LRRC4C: variants seen among roughly 807,000 people sequenced by gnomAD.
The protein encoded by LRRC4C is leucine rich repeat containing 4C.
In LRRC4C, 5 loss-of-function variants were observed where a neutral mutation model predicts 33.6. That is an observed-to-expected ratio of 0.15 (90% confidence interval 0.08 to 0.31). LRRC4C has a LOEUF of 0.31. LRRC4C is among the 10% of genes least tolerant of loss of function. The pLI is 1.00. For missense variants in LRRC4C, 560 were observed against 796.7 expected, an observed-to-expected ratio of 0.70 and a Z score of 3.58; for synonymous variants, 329 against 302.0, an observed-to-expected ratio of 1.09 and a Z score of -0.93.
chr11:40,452,678 T>TGGGTATATAC (rs1951943148), intron 3 of LRRC4C, among the ~76,000 whole-genome samples: 1 of 152,180 alleles, frequency 6.6e-6, no homozygotes. Flanking sequence ...ATCCCATTAC[T>TGGGTATATAC]GGGTATATAC....
intron 1 of LRRC4C, among the ~76,000 whole-genome samples, chr11:41,203,862 C>G (rs946739930): frequency 3.3e-5 from 5 of 152,158 alleles, no homozygotes; most frequent in African/African-American, 9.7e-5. Flanking sequence ...AATGTCTGCC[C>G]TTTAAGACAG....
intron 2 of LRRC4C, among the ~76,000 whole-genome samples, chr11:40,814,609 G>GT (rs917105595): frequency 4.6e-5 from 7 of 151,530 alleles, no homozygotes; most frequent in East Asian, 3.9e-4. Flanking sequence ...CAGAAAATGG[G>GT]TTTTTTCTTT....
chr11:40,757,234 A>T (rs992671310), intron 2 of LRRC4C, among the ~76,000 whole-genome samples: 1 of 152,082 alleles, frequency 6.6e-6, no homozygotes, highest in Admixed American at 6.6e-5. Flanking sequence ...GAAACAGTCC[A>T]AATAACAGTC....
At chr11:40,302,630 G>T (rs1348049944) in intron 4 of LRRC4C, among the ~76,000 whole-genome samples, 7 of 151,998 alleles carry the variant, frequency 4.6e-5, no homozygotes, top group Non-Finnish European at 8.8e-5. Flanking sequence ...TTGTACATAG[G>T]TGCTAACACT....
At chr11:40,397,409 C>A (rs1296156205) in intron 3 of LRRC4C, among the ~76,000 whole-genome samples, 4 of 151,998 alleles carry the variant, frequency 2.6e-5, no homozygotes, top group African/African-American at 7.2e-5. Flanking sequence ...AAGAGCTCTA[C>A]TGTAAAAAGA....
intron 4 of LRRC4C, among the ~76,000 whole-genome samples, chr11:40,299,312 T>C (rs1944661115): frequency 1.3e-5 from 2 of 152,202 alleles, no homozygotes; most frequent in South Asian, 4.1e-4. Context: ...CTCACAGATG[T>C]GTGCCAAAGA....
At chr11:41,082,940 A>G (rs970658070) in intron 1 of LRRC4C, among the ~76,000 whole-genome samples, 1 of 152,054 alleles carries the variant, frequency 6.6e-6, no homozygotes, top group Non-Finnish European at 1.5e-5. Context: ...TTCACCAATG[A>G]GTGGTTTGGC....
At chr11:40,826,620 G>C (rs111806366) in intron 2 of LRRC4C, among the ~76,000 whole-genome samples, 2,607 of 151,954 alleles carry the variant, frequency 0.017, 92 homozygotes, top group African/African-American at 0.06. Context: ...CACTAGGAAG[G>C]GTAGAATTAA....
At chr11:40,612,623 A>C (rs952495814) in intron 3 of LRRC4C, among the ~76,000 whole-genome samples, 1 of 152,092 alleles carries the variant, frequency 6.6e-6, no homozygotes, top group Non-Finnish European at 1.5e-5. Context: ...AAATATGGTA[A>C]ATACAAGAAG....
At chr11:40,825,945 G>C (rs374905075) in intron 2 of LRRC4C, among the ~76,000 whole-genome samples, 11 of 50,854 alleles carry the variant, frequency 2.2e-4, no homozygotes, top group Non-Finnish European at 4.7e-4. Flanking sequence ...TATTCTGGGG[G>C]GGGGGCGTCT....
intron 1 of LRRC4C, among the ~76,000 whole-genome samples, chr11:40,945,543 C>T (rs1055986267): frequency 6.6e-6 from 1 of 152,108 alleles, no homozygotes; most frequent in African/African-American, 2.4e-5. Flanking sequence ...GGAGTCCTTA[C>T]AACTCCAATT....
At chr11:40,635,798 G>C (rs1963906503) in intron 3 of LRRC4C, among the ~76,000 whole-genome samples, 1 of 151,244 alleles carries the variant, frequency 6.6e-6, no homozygotes, top group African/African-American at 2.4e-5. Flanking sequence ...CACCATGCCC[G>C]GCTAATTTTT....
intron 1 of LRRC4C, among the ~76,000 whole-genome samples, chr11:41,398,274 A>G (rs1197797127): frequency 2.6e-5 from 4 of 151,902 alleles, no homozygotes; most frequent in African/African-American, 9.7e-5. Flanking sequence ...CACTTTTTTT[A>G]AGTTTTATTT....
chr11:40,361,208 C>T (rs1156724658), intron 3 of LRRC4C, among the ~76,000 whole-genome samples: 1 of 152,152 alleles, frequency 6.6e-6, no homozygotes, highest in Non-Finnish European at 1.5e-5. Flanking sequence ...GCCACTCTCA[C>T]CACTCCTATT....
intron 3 of LRRC4C, among the ~76,000 whole-genome samples, chr11:40,466,065 A>G (rs983787877): frequency 1.3e-5 from 2 of 152,038 alleles, no homozygotes; most frequent in Non-Finnish European, 2.9e-5. Context: ...CTACATATAC[A>G]CCATATAATA....
intron 1 of LRRC4C, among the ~76,000 whole-genome samples, chr11:41,455,463 G>A (rs1338568772): frequency 3.9e-5 from 6 of 152,030 alleles, no homozygotes; most frequent in South Asian, 4.2e-4. Flanking sequence ...ACATACACAC[G>A]ACACATACAC....
At chr11:40,767,943 C>G (rs543658560) in intron 2 of LRRC4C, among the ~76,000 whole-genome samples, 1 of 151,486 alleles carries the variant, frequency 6.6e-6, no homozygotes, top group African/African-American at 2.4e-5. Flanking sequence ...AAACCCAAAC[C>G]ATTTCTTCTT....
intron 1 of LRRC4C, among the ~76,000 whole-genome samples, chr11:41,198,312 A>G (rs1946266397): frequency 6.6e-6 from 1 of 152,008 alleles, no homozygotes; most frequent in Non-Finnish European, 1.5e-5. Context: ...GGAAACCTAT[A>G]TTACTATGAA....
intron 1 of LRRC4C, among the ~76,000 whole-genome samples, chr11:41,365,933 T>C (rs1952518761): frequency 1.3e-5 from 2 of 152,224 alleles, no homozygotes; most frequent in South Asian, 4.1e-4. Flanking sequence ...TCAGAATTGT[T>C]TTTAATGGGA....
Sources: allele counts gnomAD v4.1 joint callset (sites outside exome capture counted in the v4.1 genomes callset), GRCh38; gene constraint gnomAD v4.1.1; transcripts MANE v1.5; gene names NCBI Gene and HGNC (gene_info 2026-07-23, HGNC 2026-07-21).